The following TENM3 variants were observed in gnomAD, a reference collection of about 807,000 sequenced individuals.
The protein encoded by TENM3 is teneurin transmembrane protein 3, also known as teneurin-3.
TENM3 carries 63 observed loss-of-function variants against 255.1 expected under a neutral mutation model. That is an observed-to-expected ratio of 0.25 (90% CI 0.20 to 0.30). The LOEUF is 0.30. Among genes scored for constraint, TENM3 ranks in the 10% least tolerant of loss-of-function variants. The pLI, the probability that TENM3 is intolerant of heterozygous loss-of-function variation, is 1.00. For missense variants in TENM3, 2,929 were observed against 3,461.1 expected, an observed-to-expected ratio of 0.85 and a Z score of 3.86; for synonymous variants, 1,306 against 1,322.3, an observed-to-expected ratio of 0.99 and a Z score of 0.27.
intron 3 of TENM3, among the ~76,000 whole-genome samples, chr4:182,595,854 AATTT>A (rs1747167679): frequency 6.6e-6 from 1 of 150,920 alleles, no homozygotes; most frequent in Admixed American, 6.6e-5. Context: ...GGTAAAATAT[AATTT>A]ATAATAATTT....
chr4:181,893,872 C>CATTT, the TENM3 span, among the ~76,000 whole-genome samples: 2 of 151,974 alleles, frequency 1.3e-5, no homozygotes, highest in Admixed American at 1.3e-4. Context: ...TTTTTCTATC[C>CATTT]ATTTAAAATA....
chr4:181,584,998 A>G, the TENM3 span, among the ~76,000 whole-genome samples: 1 of 62,766 alleles, frequency 1.6e-5, no homozygotes, highest in Admixed American at 2.2e-4. Flanking sequence ...AAACGTATCC[A>G]GTGGCAAAAA....
At position 182,284,942 on chromosome 4, in the gene TENM3, CT is replaced by C. The variant is rs1178300273; in HGVS notation, c.-75-39003del. On this transcript the variant is annotated intron_variant, in intron 1 of 27. Coordinates refer to ENST00000511685, the MANE Select transcript of TENM3 (RefSeq NM_001080477.4). The stretch of plus-strand genomic sequence containing the variant: ...TGGACCCCATGAAGAATCCTTCCCT[CT>C]GTTTGATACCTTTTTGGGAATCTGG... 1.1e-4 allele frequency among the ~76,000 whole-genome samples: 17 copies of C among 152,088 alleles called. 1 individual carries two copies. The highest frequency in any genetic ancestry group is 9.2e-4 in the Admixed American group (14 of 15,258).
intron 1 of TENM3, among the ~76,000 whole-genome samples, chr4:182,319,564 T>G (rs184886340): frequency 1.3e-5 from 2 of 152,300 alleles, no homozygotes; most frequent in East Asian, 3.9e-4. Flanking sequence ...GGAGAATTGC[T>G]TCACAAATAA....
chr4:181,498,187 C>T, the TENM3 span, among the ~76,000 whole-genome samples: 2 of 152,066 alleles, frequency 1.3e-5, no homozygotes, highest in African/African-American at 2.4e-5. Flanking sequence ...CAGCCTTACC[C>T]CTAAAAAAAG....
rs1326459307 is a variant in TENM3 at position 182,151,746 on chromosome 4, A to ATATTTAAG, written c.-76+6992_-76+6993insTATTTAAG. The stretch of plus-strand genomic sequence containing the variant: ...TTACATTTTTCTCTATTTATAAGCA[A>ATATTTAAG]AAATGAAATGAATATTTAAAACTTT... On this transcript the variant is annotated intron_variant, in intron 1 of 2. Coordinates refer to the TENM3 transcript ENST00000512480. 6.6e-5 allele frequency among the ~76,000 whole-genome samples: 10 copies of ATATTTAAG among 152,198 alleles called. No homozygotes were observed. The East Asian group carries it at 1.9e-3, about 29-fold the overall frequency.
the TENM3 span, among the ~76,000 whole-genome samples, chr4:181,844,014 G>A: frequency 2.8e-4 from 42 of 152,062 alleles, no homozygotes; most frequent in South Asian, 6.6e-3. Context: ...CACCGCGCCC[G>A]GCCGAGGGCC....
intron 1 of TENM3, among the ~76,000 whole-genome samples, chr4:182,170,575 A>G (rs1366777232): frequency 2.0e-5 from 3 of 151,968 alleles, no homozygotes; most frequent in Non-Finnish European, 2.9e-5. Flanking sequence ...TTGAAAGCCT[A>G]CACTCTATGA....
the TENM3 span, among the ~76,000 whole-genome samples, chr4:181,953,075 A>G: frequency 2.6e-5 from 4 of 152,348 alleles, no homozygotes; most frequent in South Asian, 8.3e-4. Context: ...TTTTGTATAC[A>G]AGAACACTGA....
At chr4:182,215,057 A>T (rs1358602019) in intron 1 of TENM3, among the ~76,000 whole-genome samples, 1 of 152,252 alleles carries the variant, frequency 6.6e-6, no homozygotes, top group Non-Finnish European at 1.5e-5. Flanking sequence ...TACAGGCGTG[A>T]AACTCAACAG....
chr4:182,598,244 G>A (rs951859544), intron 3 of TENM3, among the ~76,000 whole-genome samples: 4 of 152,166 alleles, frequency 2.6e-5, no homozygotes, highest in Non-Finnish European at 5.9e-5. Flanking sequence ...TTCAGACTTT[G>A]CATGTATTCT....
chr4:182,508,838 T>A (rs1737092201), intron 3 of TENM3, among the ~76,000 whole-genome samples: 1 of 152,240 alleles, frequency 6.6e-6, no homozygotes, highest in Admixed American at 6.5e-5. Flanking sequence ...GGCAGGAATA[T>A]TTTCTCTGCA....
At chr4:181,637,672 T>C in the TENM3 span, among the ~76,000 whole-genome samples, 1 of 152,190 alleles carries the variant, frequency 6.6e-6, no homozygotes, top group Non-Finnish European at 1.5e-5. Context: ...CAGTAGGGGT[T>C]AGAATCTCAA....
intron 3 of TENM3, among the ~76,000 whole-genome samples, chr4:182,426,007 C>CAAAAAAA (rs55836889): frequency 2.1e-4 from 19 of 90,750 alleles, no homozygotes; most frequent in Middle Eastern, 0.011. Flanking sequence ...GAGTCCATGT[C>CAAAAAAA]AAAAAAAAAA....
At chr4:181,595,042 T>C in the TENM3 span, among the ~76,000 whole-genome samples, 6 of 152,138 alleles carry the variant, frequency 3.9e-5, no homozygotes, top group Admixed American at 2.0e-4. Flanking sequence ...TATTCTCTTT[T>C]CTGAACTACT....
At chr4:182,064,227 C>T in the TENM3 span, among the ~76,000 whole-genome samples, 6 of 151,162 alleles carry the variant, frequency 4.0e-5, no homozygotes, top group African/African-American at 1.5e-4. Context: ...TTTGACTTCA[C>T]ATAGAGAAGT....
chr4:181,978,650 A>C, the TENM3 span, among the ~76,000 whole-genome samples: 1 of 151,304 alleles, frequency 6.6e-6, no homozygotes, highest in Admixed American at 6.6e-5. Flanking sequence ...CATCTCAAAA[A>C]AAAAAAAAAG....
chr4:182,181,813 A>G (rs1752855092), intron 1 of TENM3, among the ~76,000 whole-genome samples: 2 of 152,014 alleles, frequency 1.3e-5, no homozygotes, highest in South Asian at 2.1e-4. Context: ...AAATTATAGT[A>G]TACTGCATAA....
chr4:181,651,449 A>G, the TENM3 span, among the ~76,000 whole-genome samples: 1 of 152,200 alleles, frequency 6.6e-6, no homozygotes, highest in Middle Eastern at 3.4e-3. Context: ...TTACCTGGAC[A>G]TGGTGGCATG....
Sources: gnomAD v4.1 joint callset for allele counts (sites outside exome capture counted in the v4.1 genomes callset) on GRCh38, gnomAD v4.1.1 for gene constraint, MANE v1.5 for transcripts, NCBI Gene and HGNC (gene_info 2026-07-23, HGNC 2026-07-21) for gene names.